CUL5: variants seen among roughly 807,000 people sequenced by gnomAD.
CUL5 encodes cullin-5.
Under a neutral mutation model 108.8 loss-of-function variants are expected in CUL5, and 26 were observed. That is an observed-to-expected ratio of 0.24 (90% CI 0.18 to 0.33). CUL5 has a LOEUF of 0.33. Ranked by LOEUF, CUL5 falls within the 10% of genes least tolerant of loss-of-function variation. CUL5 has a pLI of 1.00. For missense variants in CUL5, 524 were observed against 909.2 expected (o/e 0.58, Z 5.45); for synonymous variants, 334 against 298.0 (o/e 1.12, Z -1.25).
intron 7 of CUL5, among the ~76,000 whole-genome samples, chr11:108,068,322 T>C (rs1863740533): frequency 6.6e-6 from 1 of 152,056 alleles, no homozygotes; most frequent in Admixed American, 6.6e-5. Flanking sequence ...TTTTTTTGTT[T>C]TGTTTTGTTT....
chr11:108,009,502 G>C (rs1470074873), intron 1 of CUL5, 130 bp downstream of exon 1: 11 of 957,576 alleles, frequency 1.1e-5, no homozygotes, highest in Non-Finnish European at 1.8e-5. Flanking sequence ...GGGAAGCCGC[G>C]GTGGCAGCCG....
chr11:108,105,009 A>G lies in CUL5; in HGVS notation c.*625A>G, dbSNP rs1419436596. ...ATGGTATTAAATATTTTCAACTTTC[A>G]AATGTTGGTTTTCTTTAAGCAGGAG... On this transcript the variant is annotated 3_prime_UTR_variant, in exon 19 of 19. Transcript: ENST00000393094. 6.6e-6 allele frequency: 1 copy of G among 152,528 alleles called. No homozygotes were observed. Among genetic ancestry groups the G allele is most frequent in the Non-Finnish European group, 1.5e-5 (1 of 67,992 alleles). 9.4% of individuals were successfully genotyped at this position (152,528 alleles called of 1,614,324 possible). A position where few individuals can be genotyped will look rare whatever the true frequency, so the allele number is the denominator to read the frequency against.
chr11:108,035,389 C>G (rs1862709695), intron 2 of CUL5, among the ~76,000 whole-genome samples: 1 of 152,064 alleles, frequency 6.6e-6, no homozygotes, highest in African/African-American at 2.4e-5. Flanking sequence ...CAGCCAGAAT[C>G]CATGATGTTT....
chr11:108,085,943 T>A (rs1422727412), intron 11 of CUL5, among the ~76,000 whole-genome samples: 1 of 152,150 alleles, frequency 6.6e-6, no homozygotes, highest in Non-Finnish European at 1.5e-5. Flanking sequence ...AGTGAGTGAA[T>A]TGTATGGTTT....
Position 108,098,509 on chromosome 11 carries a change from C to A in CUL5, c.2128C>A (p.Leu710Ile). The A allele has an allele frequency of 6.4e-7, 1 of 1,571,830 alleles. No individual in the cohort carries two copies. The highest frequency in any genetic ancestry group is 1.2e-5 in the South Asian group (1 of 83,076). ...REEENEGIVQ[L>I]RILRTQEAII... Reference sequence around the variant, plus strand: ...AGAAGAGAATGAAGGAATAGTTCAACTACGAATACTAAGAACCCAGGTTTG... The same window carrying A: ...AGAAGAGAATGAAGGAATAGTTCAAATACGAATACTAAGAACCCAGGTTTG... Residue 710 changes from leucine to isoleucine, a missense_variant, in exon 18 of 19, where the codon CTA (leucine) becomes ATA (isoleucine). By Grantham distance (5) the Leu-to-Ile change is conservative. Around this residue, in one of 8 missense-constraint regions of CUL5, gnomAD observed 66 missense variants for 81.4 expected, o/e 0.81. Transcript: ENST00000393094.
chr11:108,008,946 G>T lies in CUL5; in HGVS notation c.-403G>T, dbSNP rs1214017653. On this transcript the variant is annotated 5_prime_UTR_variant, in exon 1 of 19. Transcript: ENST00000393094. Reference sequence around the variant, plus strand: ...GTGACGTGGCCGCGGAACCTGAGCTGCGGGGCCTAAGCCGAGCTAAATTCG... The same window carrying T: ...GTGACGTGGCCGCGGAACCTGAGCTTCGGGGCCTAAGCCGAGCTAAATTCG... The T allele has an allele frequency of 1.6e-5, 3 of 185,762 alleles. No individual in the cohort carries two copies. The Admixed American group carries it at 1.8e-4, about 11-fold the overall frequency. The allele number at this position is 185,762 out of a possible 1,614,324, so 11.5% of individuals were successfully genotyped here. A position where few individuals can be genotyped will look rare whatever the true frequency, so the allele number is the denominator to read the frequency against.
chr11:108,039,230 G>A (rs971255178), intron 2 of CUL5, among the ~76,000 whole-genome samples: 1 of 152,048 alleles, frequency 6.6e-6, no homozygotes, highest in African/African-American at 2.4e-5. Context: ...ATGTTGATCA[G>A]ACTGGTCTTG....
At chr11:108,015,294 A>C (rs1481565829) in intron 1 of CUL5, among the ~76,000 whole-genome samples, 4 of 152,206 alleles carry the variant, frequency 2.6e-5, no homozygotes, top group African/African-American at 9.6e-5. Context: ...ACATATTTAG[A>C]AGAGTTCCTT....
intron 1 of CUL5, 74 bp downstream of exon 1, chr11:108,009,446 G>C: frequency 6.6e-7 from 1 of 1,526,230 alleles, no homozygotes; most frequent in Non-Finnish European, 9.1e-7. Flanking sequence ...GCACGGCTCA[G>C]GTTCAGCTGC....
At chr11:108,099,891 T>C (rs1864607114) in intron 18 of CUL5, among the ~76,000 whole-genome samples, 1 of 151,450 alleles carries the variant, frequency 6.6e-6, no homozygotes, top group East Asian at 1.9e-4. Context: ...GTTGAATAAC[T>C]TAAACAAAAA....
At chr11:108,033,743 G>A (rs956257624) in intron 1 of CUL5, 59 bp from the exon 2 acceptor site, 4 of 1,064,012 alleles carry the variant, frequency 3.8e-6, no homozygotes. Context: ...AAAATTACAG[G>A]ATACTTTTTA....
intron 1 of CUL5, among the ~76,000 whole-genome samples, chr11:108,029,527 T>A (rs1398736009): frequency 6.6e-6 from 1 of 152,224 alleles, no homozygotes; most frequent in African/African-American, 2.4e-5. Context: ...AGGTTCATAG[T>A]CTGAAGATTC....
At chr11:108,096,971 C>G (rs531235877) in intron 16 of CUL5, among the ~76,000 whole-genome samples, 2 of 152,158 alleles carry the variant, frequency 1.3e-5, no homozygotes, top group East Asian at 3.9e-4. Flanking sequence ...CTCATTAGCC[C>G]CCTGCTCACA....
At chr11:108,042,455 C>T (rs1483139391) in intron 2 of CUL5, among the ~76,000 whole-genome samples, 2 of 152,002 alleles carry the variant, frequency 1.3e-5, no homozygotes, top group Non-Finnish European at 2.9e-5. Flanking sequence ...CACCTGGCCT[C>T]CAGTGATCCA....
intron 1 of CUL5, among the ~76,000 whole-genome samples, chr11:108,027,841 C>G (rs1259813784): frequency 6.6e-6 from 1 of 152,308 alleles, no homozygotes; most frequent in Middle Eastern, 3.4e-3. Context: ...CCTGATCTGT[C>G]AGGAGAAATT....
At chr11:108,090,666 CTA>C (rs557435218) in intron 13 of CUL5, among the ~76,000 whole-genome samples, 141 of 152,126 alleles carry the variant, frequency 9.3e-4, no homozygotes, top group African/African-American at 3.1e-3. Flanking sequence ...CTGATTATAA[CTA>C]AATTCCCATA....
chr11:108,098,572 A>AT, intron 18 of CUL5, 43 bp downstream of exon 18: 54 of 1,072,220 alleles, frequency 5.0e-5, no homozygotes, highest in Middle Eastern at 2.9e-4. Flanking sequence ...AAAAAACTTT[A>AT]GTTTTTTTTT....
At chr11:108,061,485 G>A (rs934296771) in intron 7 of CUL5, among the ~76,000 whole-genome samples, 1 of 152,060 alleles carries the variant, frequency 6.6e-6, no homozygotes, top group Non-Finnish European at 1.5e-5. Flanking sequence ...TGTAATGAAA[G>A]TTTTAAAATA....
In CUL5 at chr11:108,054,753, G is replaced by A. The variant is rs138939451; in HGVS notation, c.660G>A (p.Ser220=). 48 of 1,611,130 alleles carry A rather than the reference G, an allele frequency of 3.0e-5. No homozygotes were observed. In the East Asian group the frequency reaches 3.8e-4, roughly 13 times the overall value. Residue 220 remains serine, a synonymous_variant, in exon 6 of 19, where the codon TCG becomes TCA. Coordinates refer to ENST00000393094, the MANE Select transcript of CUL5 (RefSeq NM_003478.6). ...GATTTTATAGAACACAAGCACCCTC[G>A]TATTTACAACAAAATGGTGTACAGA... ...TERFYRTQAP[S]YLQQNGVQNY...
Sources: gnomAD v4.1 joint callset for allele counts (sites outside exome capture counted in the v4.1 genomes callset) on GRCh38, gnomAD v4.1.1 for gene constraint, gnomAD v4.1.1 regional missense constraint, MANE v1.5 for transcripts, NCBI Gene and HGNC (gene_info 2026-07-23, HGNC 2026-07-21) for gene names.